TEAD1: variants seen among roughly 807,000 people sequenced by gnomAD.
The protein encoded by TEAD1 is transcriptional enhancer factor TEF-1.
TEAD1 carries 9 observed loss-of-function variants against 54.9 expected under a neutral mutation model. The observed-to-expected ratio is 0.16, with a 90% CI of 0.10 to 0.29. TEAD1 has a LOEUF of 0.29. Among genes scored for constraint, TEAD1 ranks in the 10% least tolerant of loss-of-function variants. The pLI, the probability that TEAD1 is intolerant of heterozygous loss-of-function variation, is 1.00. For synonymous variants in TEAD1, 200 were observed against 187.8 expected, an observed-to-expected ratio of 1.07 and a Z score of -0.53; for missense variants, 387 against 535.9, an observed-to-expected ratio of 0.72 and a Z score of 2.74.
chr11:12,710,662 G>C (rs1037389003), intron 2 of TEAD1, among the ~76,000 whole-genome samples: 7 of 152,178 alleles, frequency 4.6e-5, no homozygotes, highest in African/African-American at 1.7e-4. Flanking sequence ...TGACACTGTT[G>C]TAGGCACTGG....
intron 5 of TEAD1, among the ~76,000 whole-genome samples, chr11:12,870,584 T>C (rs1470809596): frequency 2.0e-5 from 3 of 152,166 alleles, no homozygotes; most frequent in African/African-American, 7.2e-5. Context: ...GTTGGGGCAT[T>C]TTCAAAATAT....
intron 2 of TEAD1, among the ~76,000 whole-genome samples, chr11:12,731,915 A>G (rs1265609237): frequency 3.3e-5 from 5 of 152,158 alleles, no homozygotes; most frequent in African/African-American, 1.2e-4. Context: ...TCTGGGATCC[A>G]GATTGGAGAT....
At chr11:12,746,708 T>C (rs761904807) in intron 2 of TEAD1, among the ~76,000 whole-genome samples, 4 of 152,216 alleles carry the variant, frequency 2.6e-5, no homozygotes, top group Non-Finnish European at 5.9e-5. Context: ...TTGGCCCGCA[T>C]GCGTGGTTTA....
chr11:12,748,741 G>C (rs1214911881), intron 2 of TEAD1, among the ~76,000 whole-genome samples: 1 of 152,054 alleles, frequency 6.6e-6, no homozygotes, highest in East Asian at 1.9e-4. Flanking sequence ...GCAGTGGCGA[G>C]AGTGTGGGGA....
At chr11:12,755,974 C>T (rs1944976366) in intron 2 of TEAD1, among the ~76,000 whole-genome samples, 1 of 152,156 alleles carries the variant, frequency 6.6e-6, no homozygotes, top group Non-Finnish European at 1.5e-5. Flanking sequence ...CCCCTAAAGG[C>T]TGGTAATGCA....
intron 2 of TEAD1, among the ~76,000 whole-genome samples, chr11:12,692,494 T>A (rs1023180018): frequency 6.6e-6 from 1 of 152,098 alleles, no homozygotes; most frequent in Non-Finnish European, 1.5e-5. Flanking sequence ...TTAATGCCCC[T>A]CACCCACCAC....
chr11:12,913,200 G>A (rs1164967550), intron 10 of TEAD1, among the ~76,000 whole-genome samples: 1 of 152,046 alleles, frequency 6.6e-6, no homozygotes, highest in Admixed American at 6.6e-5. Context: ...TTGGTGGTGT[G>A]AGAGACCCCC....
At chr11:12,747,475 T>C (rs1338825043) in intron 2 of TEAD1, among the ~76,000 whole-genome samples, 1 of 152,006 alleles carries the variant, frequency 6.6e-6, no homozygotes, top group Admixed American at 6.6e-5. Flanking sequence ...GCTGGGATTA[T>C]AGGCACCCGC....
Position 12,934,435 on chromosome 11 carries a change from A to T in TEAD1, c.1168-2674A>T, listed in dbSNP as rs1949065174. The stretch of plus-strand genomic sequence containing the variant: ...GGGATAGCATTAGGAGATAATACCT[A>T]ATGTTAAATGATGAGTTAATGGGTG... On this transcript the variant is annotated intron_variant, in intron 12 of 12. Coordinates refer to ENST00000527636, the MANE Select transcript of TEAD1 (RefSeq NM_021961.6). Among the ~76,000 whole-genome samples, 3 of 152,132 alleles carry T rather than the reference A, an allele frequency of 2.0e-5. No individual in the cohort carries two copies. The South Asian group carries it at 6.2e-4, about 32-fold the overall frequency.
intron 3 of TEAD1, among the ~76,000 whole-genome samples, chr11:12,807,943 C>A (rs1221791811): frequency 6.6e-6 from 1 of 152,022 alleles, no homozygotes; most frequent in Non-Finnish European, 1.5e-5. Context: ...TAGCCCGAGT[C>A]CTAGATGTAA....
At chr11:12,742,188 GACTTT>G (rs1944662619) in intron 2 of TEAD1, among the ~76,000 whole-genome samples, 1 of 152,182 alleles carries the variant, frequency 6.6e-6, no homozygotes, top group African/African-American at 2.4e-5. Flanking sequence ...AATACATTTA[GACTTT>G]GAGTTCAAGG....
intron 3 of TEAD1, among the ~76,000 whole-genome samples, chr11:12,822,078 C>T (rs1389894574): frequency 6.7e-6 from 1 of 150,176 alleles, no homozygotes; most frequent in Non-Finnish European, 1.5e-5. Flanking sequence ...ATTCTCCTGC[C>T]TCAGCCTCCT....
At chr11:12,680,542 G>T (rs1943198126) in intron 2 of TEAD1, among the ~76,000 whole-genome samples, 2 of 152,220 alleles carry the variant, frequency 1.3e-5, no homozygotes, top group African/African-American at 4.8e-5. Context: ...CTCTAGCTGG[G>T]AGCCTGCCTG....
intron 3 of TEAD1, among the ~76,000 whole-genome samples, chr11:12,821,757 C>T (rs930186507): frequency 2.0e-5 from 3 of 151,896 alleles, no homozygotes; most frequent in African/African-American, 4.8e-5. Context: ...AACCTATGGC[C>T]GGATATGAAT....
intron 3 of TEAD1, among the ~76,000 whole-genome samples, chr11:12,811,194 G>A (rs1946293193): frequency 1.3e-5 from 2 of 152,342 alleles, no homozygotes; most frequent in Admixed American, 1.3e-4. Flanking sequence ...TGCTGGGAAA[G>A]TAAAGCTTTC....
intron 2 of TEAD1, among the ~76,000 whole-genome samples, chr11:12,693,156 G>A (rs998274109): frequency 3.3e-5 from 5 of 152,336 alleles, no homozygotes; most frequent in South Asian, 2.1e-4. Flanking sequence ...CCAGAGGTGC[G>A]AGCCCCTGGT....
chr11:12,910,793 C>T (rs1164956718), intron 10 of TEAD1, among the ~76,000 whole-genome samples: 1 of 136,072 alleles, frequency 7.3e-6, no homozygotes, highest in Non-Finnish European at 1.5e-5. Flanking sequence ...GTCTCACAGG[C>T]TGGAGTGCAG....
At chr11:12,861,470 C>T (rs1474572023) in intron 3 of TEAD1, among the ~76,000 whole-genome samples, 1 of 152,174 alleles carries the variant, frequency 6.6e-6, no homozygotes, top group African/African-American at 2.4e-5. Context: ...TCCGTGGCCA[C>T]AGCAGCTCGT....
intron 10 of TEAD1, among the ~76,000 whole-genome samples, chr11:12,913,907 T>G (rs1034843555): frequency 5.3e-5 from 8 of 152,192 alleles, no homozygotes; most frequent in African/African-American, 1.9e-4. Flanking sequence ...TCCTGTTTCC[T>G]GGGAAAGGTG....
Sources: allele counts gnomAD v4.1 joint callset (sites outside exome capture counted in the v4.1 genomes callset), GRCh38; gene constraint gnomAD v4.1.1; transcripts MANE v1.5; gene names NCBI Gene and HGNC (gene_info 2026-07-23, HGNC 2026-07-21).